ERBB4: variants seen among roughly 807,000 people sequenced by gnomAD.
ERBB4 encodes erb-b2 receptor tyrosine kinase 4, also known as receptor tyrosine-protein kinase erbB-4.
ERBB4 carries 42 observed loss-of-function variants against 158.0 expected under a neutral mutation model. That is an observed-to-expected ratio of 0.27 (90% confidence interval 0.21 to 0.34). ERBB4 has a LOEUF of 0.34. ERBB4 is among the 10% of genes least tolerant of loss of function. The pLI is 1.00. For synonymous variants in ERBB4, 583 were observed against 558.7 expected (o/e 1.04, Z -0.61); for missense variants, 1,333 against 1,624.1 (o/e 0.82, Z 3.08).
intron 3 of ERBB4, among the ~76,000 whole-genome samples, chr2:211,851,741 G>A (rs2077726605): frequency 6.6e-6 from 1 of 151,800 alleles, no homozygotes; most frequent in Non-Finnish European, 1.5e-5. Context: ...TAAGAGAATA[G>A]TGAAAAAGCA....
chr2:212,346,184 C>G (rs920417828), intron 1 of ERBB4, among the ~76,000 whole-genome samples: 5 of 152,076 alleles, frequency 3.3e-5, no homozygotes, highest in African/African-American at 4.8e-5. Flanking sequence ...TACCAGAGCA[C>G]TATTTTTGTC....
At chr2:212,137,224 A>C (rs1575686747) in intron 1 of ERBB4, among the ~76,000 whole-genome samples, 1 of 152,002 alleles carries the variant, frequency 6.6e-6, no homozygotes, top group East Asian at 1.9e-4. Context: ...GGTTTTTTAC[A>C]TTGGTAAACT....
At chr2:212,433,826 T>C (rs2092081534) in intron 1 of ERBB4, among the ~76,000 whole-genome samples, 1 of 152,032 alleles carries the variant, frequency 6.6e-6, no homozygotes, top group Non-Finnish European at 1.5e-5. Context: ...GTTGAGGTGA[T>C]GAATATATTC....
chr2:211,402,193 T>C (rs887287135), intron 25 of ERBB4, among the ~76,000 whole-genome samples: 1 of 152,030 alleles, frequency 6.6e-6, no homozygotes, highest in Non-Finnish European at 1.5e-5. Flanking sequence ...ATCTAATTCA[T>C]CAGTGTTGTC....
intron 3 of ERBB4, among the ~76,000 whole-genome samples, chr2:211,902,265 A>C (rs1365553877): frequency 6.6e-6 from 1 of 152,170 alleles, no homozygotes; most frequent in Admixed American, 6.6e-5. Flanking sequence ...ATTATAACTA[A>C]ATAGAAAATG....
At chr2:211,569,161 T>A (rs1051134235) in intron 19 of ERBB4, among the ~76,000 whole-genome samples, 7 of 152,188 alleles carry the variant, frequency 4.6e-5, no homozygotes, top group African/African-American at 1.7e-4. Flanking sequence ...CTATTCTACA[T>A]CATTCACCCA....
chr2:211,749,207 T>G (rs1364764058), intron 5 of ERBB4, among the ~76,000 whole-genome samples: 1 of 152,204 alleles, frequency 6.6e-6, no homozygotes, highest in African/African-American at 2.4e-5. Context: ...AACTAATTGA[T>G]CCAACCTCTA....
intron 16 of ERBB4, among the ~76,000 whole-genome samples, chr2:211,643,049 C>T (rs2105858342): frequency 6.6e-6 from 1 of 152,220 alleles, no homozygotes; most frequent in South Asian, 2.1e-4. Flanking sequence ...GTTTATCCCT[C>T]ACCCTCACCA....
chr2:211,576,920 T>A (rs902839239), intron 19 of ERBB4, among the ~76,000 whole-genome samples: 1 of 152,166 alleles, frequency 6.6e-6, no homozygotes, highest in Non-Finnish European at 1.5e-5. Flanking sequence ...CTGGTAGGGT[T>A]GTACCATGAG....
chr2:212,373,004 G>A (rs765319725), intron 1 of ERBB4, among the ~76,000 whole-genome samples: 6 of 152,078 alleles, frequency 3.9e-5, no homozygotes, highest in Non-Finnish European at 8.8e-5. Flanking sequence ...ATAGAAAATA[G>A]AAGAAACTTC....
chr2:212,506,833 G>T (rs1405501995), intron 1 of ERBB4, among the ~76,000 whole-genome samples: 1 of 152,186 alleles, frequency 6.6e-6, no homozygotes, highest in East Asian at 1.9e-4. Context: ...TGTAGAATCT[G>T]CAGCAAGTTA....
At chr2:212,182,063 A>G (rs1007454181) in intron 1 of ERBB4, among the ~76,000 whole-genome samples, 8 of 151,806 alleles carry the variant, frequency 5.3e-5, no homozygotes, top group African/African-American at 1.9e-4. Context: ...AATTAACTTA[A>G]TAACTAAAAT....
chr2:211,780,001 A>AT (rs1458513756), intron 4 of ERBB4, among the ~76,000 whole-genome samples: 1 of 152,158 alleles, frequency 6.6e-6, no homozygotes, highest in Non-Finnish European at 1.5e-5. Flanking sequence ...CCTTATAATT[A>AT]TTTTTTATAA....
At chr2:212,107,646 C>T (rs993669353) in intron 2 of ERBB4, among the ~76,000 whole-genome samples, 2 of 152,052 alleles carry the variant, frequency 1.3e-5, no homozygotes, top group African/African-American at 4.8e-5. Context: ...GGGCCAGGGG[C>T]AGAATGATAT....
At chr2:212,367,377 C>T (rs2089928549) in intron 1 of ERBB4, among the ~76,000 whole-genome samples, 1 of 152,022 alleles carries the variant, frequency 6.6e-6, no homozygotes, top group Admixed American at 6.6e-5. Flanking sequence ...GGATAATTGG[C>T]TAGCCACACG....
intron 2 of ERBB4, among the ~76,000 whole-genome samples, chr2:211,950,732 A>C (rs978624286): frequency 6.6e-6 from 1 of 152,148 alleles, no homozygotes; most frequent in Non-Finnish European, 1.5e-5. Context: ...TTCCTAAGAC[A>C]GTGAGTGTCT....
At chr2:212,150,343 C>G (rs1329839429) in intron 1 of ERBB4, among the ~76,000 whole-genome samples, 1 of 152,184 alleles carries the variant, frequency 6.6e-6, no homozygotes, top group Non-Finnish European at 1.5e-5. Flanking sequence ...TCACATGACT[C>G]TCTTCCTATA....
chr2:212,389,161 A>C (rs374042320), intron 1 of ERBB4, among the ~76,000 whole-genome samples: 7 of 152,122 alleles, frequency 4.6e-5, no homozygotes, highest in East Asian at 3.9e-4. Flanking sequence ...TAACATTAGC[A>C]AACCCCTCTT....
At chr2:211,766,844 T>C (rs1193432849) in intron 4 of ERBB4, among the ~76,000 whole-genome samples, 2 of 152,186 alleles carry the variant, frequency 1.3e-5, no homozygotes, top group Non-Finnish European at 2.9e-5. Flanking sequence ...TTCTGCATTG[T>C]GGAGGAGAAA....
Sources: gnomAD v4.1 joint callset for allele counts (sites outside exome capture counted in the v4.1 genomes callset) on GRCh38, gnomAD v4.1.1 for gene constraint, MANE v1.5 for transcripts, NCBI Gene and HGNC (gene_info 2026-07-23, HGNC 2026-07-21) for gene names.